Variants in PIK3CB observed in about 807,000 individuals in gnomAD.
PIK3CB encodes phosphatidylinositol-4,5-bisphosphate 3-kinase catalytic subunit beta.
A neutral mutation model predicts 136.8 loss-of-function variants in PIK3CB; 39 were observed. The observed-to-expected ratio is 0.29, with a 90% CI of 0.22 to 0.37. The LOEUF is 0.37. Ranked by LOEUF, PIK3CB falls within the 10% of genes least tolerant of loss-of-function variation. PIK3CB has a pLI of 1.00. For missense variants in PIK3CB, 868 were observed against 1,275.4 expected, an observed-to-expected ratio of 0.68 and a Z score of 4.87; for synonymous variants, 428 against 436.6, an observed-to-expected ratio of 0.98 and a Z score of 0.25.
chr3:138,719,038 C>T (rs2044671187), intron 8 of PIK3CB, among the ~76,000 whole-genome samples: 1 of 152,080 alleles, frequency 6.6e-6, no homozygotes, highest in South Asian at 2.1e-4. Flanking sequence ...CTCTGAACTA[C>T]TTTAAATGGT....
Position 138,755,932 on chromosome 3 carries a change from C to G in PIK3CB, c.219G>C (p.Met73Ile). Residue 73 changes from methionine to isoleucine, a missense_variant, in exon 4 of 24, where the codon ATG becomes ATC. By Grantham distance (10) the Met-to-Ile change is conservative. Around this residue, in one of 4 missense-constraint regions of PIK3CB, gnomAD observed 612 missense variants for 801.1 expected, o/e 0.76. Coordinates refer to ENST00000674063, the MANE Select transcript of PIK3CB (RefSeq NM_006219.3). Reference sequence around the variant, plus strand: ...ATGCAAACATATAGGAGTCAATATCCATAAGGAGGTTGAACATTGGGTAAT... The same window carrying G: ...ATGCAAACATATAGGAGTCAATATCGATAAGGAGGTTGAACATTGGGTAAT... ...VHNYPMFNLL[M>I]DIDSYMFACV... The G allele has an allele frequency of 1.2e-6, 2 of 1,611,916 alleles. No homozygotes were observed. The highest frequency in any genetic ancestry group is 1.7e-6 in the Non-Finnish European group (2 of 1,178,512).
chr3:138,693,966 TTATATATATA>T (rs1290359773), intron 14 of PIK3CB, among the ~76,000 whole-genome samples: 6 of 42,406 alleles, frequency 1.4e-4, no homozygotes, highest in African/African-American at 5.4e-4. Context: ...TATATATATA[TTATATATATA>T]TATATATATA....
At chr3:138,782,928 T>C (rs1458678360) in intron 2 of PIK3CB, among the ~76,000 whole-genome samples, 1 of 152,192 alleles carries the variant, frequency 6.6e-6, no homozygotes, top group East Asian at 1.9e-4. Flanking sequence ...ATAATCTAAG[T>C]AGCTGCAAGG....
At chr3:138,779,366 G>A (rs1344573510) in intron 2 of PIK3CB, among the ~76,000 whole-genome samples, 5 of 147,576 alleles carry the variant, frequency 3.4e-5, no homozygotes, top group East Asian at 4.0e-4. Context: ...GATTACAGGC[G>A]TGAGCCACCA....
chr3:138,806,062 C>A (rs1308846524), intron 1 of PIK3CB, among the ~76,000 whole-genome samples: 1 of 151,984 alleles, frequency 6.6e-6, no homozygotes, highest in Non-Finnish European at 1.5e-5. Flanking sequence ...CTTCCCCTTA[C>A]AAAAAGAATC....
chr3:138,655,555 T>C, intron 23 of PIK3CB, 29 bp from the exon 24 acceptor site: 2 of 1,573,864 alleles, frequency 1.3e-6, no homozygotes, highest in South Asian at 1.1e-5. Flanking sequence ...AATATGATTT[T>C]ATATAACTTT....
intron 2 of PIK3CB, among the ~76,000 whole-genome samples, chr3:138,769,096 T>C (rs1218565712): frequency 1.3e-5 from 2 of 152,080 alleles, no homozygotes; most frequent in Admixed American, 6.5e-5. Context: ...TCCCACCCAC[T>C]AACTTGGAAG....
chr3:138,827,339 C>G (rs941540187), intron 1 of PIK3CB, among the ~76,000 whole-genome samples: 1 of 151,976 alleles, frequency 6.6e-6, no homozygotes, highest in African/African-American at 2.4e-5. Context: ...AGCACCTTAA[C>G]GAAGATTGAG....
At chr3:138,760,303 G>A (rs967513705) in intron 2 of PIK3CB, among the ~76,000 whole-genome samples, 8 of 152,002 alleles carry the variant, frequency 5.3e-5, no homozygotes, top group Non-Finnish European at 1.0e-4. Flanking sequence ...AGATGGCAAG[G>A]CCCCTTGTGC....
intron 2 of PIK3CB, among the ~76,000 whole-genome samples, chr3:138,774,442 T>C (rs1342635719): frequency 6.6e-6 from 1 of 152,246 alleles, no homozygotes; most frequent in African/African-American, 2.4e-5. Context: ...AAAAGTTTCA[T>C]TGTCTAGATG....
intron 1 of PIK3CB, among the ~76,000 whole-genome samples, chr3:138,809,008 G>A (rs1395275599): frequency 6.6e-6 from 1 of 151,936 alleles, no homozygotes; most frequent in African/African-American, 2.4e-5. Flanking sequence ...ACTTCTGGCC[G>A]GGCACGGTGG....
At chr3:138,728,181 T>G (rs540727505) in intron 8 of PIK3CB, among the ~76,000 whole-genome samples, 2 of 152,290 alleles carry the variant, frequency 1.3e-5, no homozygotes, top group African/African-American at 4.8e-5. Context: ...TGGAGTAAGT[T>G]CAATTAAATA....
At chr3:138,781,521 T>C (rs539156) in intron 2 of PIK3CB, among the ~76,000 whole-genome samples, 87,546 of 151,044 alleles carry the variant, frequency 0.58, 26,185 homozygotes, top group East Asian at 0.98. Flanking sequence ...GGTGCAATCT[T>C]GGCTCACTGC....
chr3:138,658,954 C>T lies in PIK3CB; in HGVS notation c.2797-1119G>A, dbSNP rs1287001885. ...CTGGGCTGGTTGTTCTCCGGTGTTG[C>T]TGCAGAGCCATCATCCTGGGCCTTC... is the stretch of plus-strand genomic sequence containing the variant. On this transcript the variant is annotated intron_variant, in intron 21 of 23. Coordinates refer to ENST00000674063, the MANE Select transcript of PIK3CB (RefSeq NM_006219.3). Among the ~76,000 whole-genome samples, 4 of 152,352 alleles carry T rather than the reference C, an allele frequency of 2.6e-5. No homozygotes were observed. The East Asian group carries it at 7.7e-4, about 29-fold the overall frequency.
chr3:138,688,726 A>G, intron 16 of PIK3CB, 149 bp downstream of exon 16: 1 of 555,752 alleles, frequency 1.8e-6, no homozygotes, highest in Non-Finnish European at 3.3e-6. Flanking sequence ...GACTTCTATG[A>G]AATAATGTGG....
chr3:138,795,060 C>A (rs1487480611), intron 2 of PIK3CB, among the ~76,000 whole-genome samples: 1 of 152,096 alleles, frequency 6.6e-6, no homozygotes, highest in Non-Finnish European at 1.5e-5. Context: ...TGGCTCACGC[C>A]TGTAATCCCA....
intron 19 of PIK3CB, among the ~76,000 whole-genome samples, chr3:138,672,430 A>G (rs2043553423): frequency 6.6e-6 from 1 of 152,242 alleles, no homozygotes; most frequent in African/African-American, 2.4e-5. Flanking sequence ...CAGCTCAAAC[A>G]AAATACAAAC....
intron 2 of PIK3CB, among the ~76,000 whole-genome samples, chr3:138,789,470 A>G (rs2046024274): frequency 6.6e-6 from 1 of 152,150 alleles, no homozygotes; most frequent in Admixed American, 6.5e-5. Flanking sequence ...AAAAAAATAA[A>G]AAGAAAAATT....
chr3:138,722,492 A>G (rs532630361), intron 8 of PIK3CB, among the ~76,000 whole-genome samples: 14 of 152,222 alleles, frequency 9.2e-5, no homozygotes, highest in African/African-American at 3.1e-4. Flanking sequence ...ACAAATGATT[A>G]TTTTTCAGTG....
Sources: allele counts gnomAD v4.1 joint callset (sites outside exome capture counted in the v4.1 genomes callset), GRCh38; gene constraint gnomAD v4.1.1; regional missense constraint gnomAD v4.1.1; transcripts MANE v1.5; gene names NCBI Gene and HGNC (gene_info 2026-07-23, HGNC 2026-07-21).